Variants in ANO10 observed in about 807,000 individuals in gnomAD.
The protein encoded by ANO10 is anoctamin-10.
Under a neutral mutation model 74.7 loss-of-function variants are expected in ANO10, and 77 were observed. The observed-to-expected ratio is 1.03, with a 90% CI of 0.86 to 1.25. ANO10 has a LOEUF of 1.25. ANO10 is among the 50% of genes most tolerant of loss of function. The pLI is 0.00. For missense variants in ANO10, 721 were observed against 778.1 expected, an observed-to-expected ratio of 0.93 and a Z score of 0.87; for synonymous variants, 279 against 284.9, an observed-to-expected ratio of 0.98 and a Z score of 0.21.
intron 11 of ANO10, among the ~76,000 whole-genome samples, chr3:43,512,268 C>T (rs2077538002): frequency 6.6e-6 from 1 of 152,138 alleles, no homozygotes; most frequent in Admixed American, 6.5e-5. Context: ...AGAAGAAAAG[C>T]AAGGTAACAT....
intron 10 of ANO10, among the ~76,000 whole-genome samples, chr3:43,551,859 A>C (rs1237146315): frequency 6.6e-6 from 1 of 152,152 alleles, no homozygotes; most frequent in African/African-American, 2.4e-5. Context: ...CATATACTTC[A>C]GTCATGTGTT....
chr3:43,660,161 A>T (rs138754067), intron 1 of ANO10, among the ~76,000 whole-genome samples: 3,214 of 152,314 alleles, frequency 0.021, 55 homozygotes, highest in South Asian at 0.092. Flanking sequence ...AGAAAGGCTG[A>T]AAATTCCCAA....
chr3:43,572,734 C>A (rs768972905), intron 7 of ANO10, among the ~76,000 whole-genome samples: 14 of 152,190 alleles, frequency 9.2e-5, no homozygotes, highest in Non-Finnish European at 1.8e-4. Flanking sequence ...AGCCCCCATG[C>A]TGACTACTTC....
At position 43,420,582 on chromosome 3, in the gene ANO10, C is replaced by T. The variant is rs1293788019; in HGVS notation, c.1914+12029G>A. Among the ~76,000 whole-genome samples, 5 of 152,034 alleles carry T rather than the reference C, an allele frequency of 3.3e-5. No individual in the cohort carries two copies. The East Asian group carries it at 7.7e-4, about 23-fold the overall frequency. On this transcript the variant is annotated intron_variant, in intron 12 of 12. Transcript: ENST00000292246. ...GTAAACAAAAAATTTCCTATTTTAGCAGTTTACTAGTAATTAAAAACAAAG... is the reference window on the plus strand; with the variant it reads ...GTAAACAAAAAATTTCCTATTTTAGTAGTTTACTAGTAATTAAAAACAAAG...
chr3:43,552,086 CT>C (rs2149315170), intron 10 of ANO10, among the ~76,000 whole-genome samples: 2 of 152,222 alleles, frequency 1.3e-5, no homozygotes, highest in African/African-American at 4.8e-5. Flanking sequence ...CTGAGTATAT[CT>C]TTTGTGTAAT....
intron 11 of ANO10, among the ~76,000 whole-genome samples, chr3:43,537,082 C>T (rs1036184080): frequency 3.4e-5 from 5 of 148,272 alleles, no homozygotes; most frequent in Non-Finnish European, 7.4e-5. Context: ...AATGTCCAAA[C>T]GTAGACTAGA....
intron 1 of ANO10, among the ~76,000 whole-genome samples, chr3:43,637,159 G>A (rs2083619860): frequency 1.3e-5 from 2 of 151,806 alleles, no homozygotes; most frequent in African/African-American, 4.8e-5. Flanking sequence ...GACAGAGTGA[G>A]ACCCTGTCTC....
intron 11 of ANO10, chr3:43,485,609 T>C: frequency 4.7e-6 from 1 of 211,446 alleles, no homozygotes; most frequent in Admixed American, 5.4e-5. Flanking sequence ...TTGGGAGCTC[T>C]GGGAGCAAGG....
At chr3:43,665,321 C>G (rs999565790) in intron 1 of ANO10, among the ~76,000 whole-genome samples, 1 of 151,920 alleles carries the variant, frequency 6.6e-6, no homozygotes, top group African/African-American at 2.4e-5. Flanking sequence ...GGGAGTTGAA[C>G]AATGAGAACA....
chr3:43,613,171 CAA>C (rs57454559), intron 1 of ANO10, among the ~76,000 whole-genome samples: 3 of 127,466 alleles, frequency 2.4e-5, no homozygotes, highest in South Asian at 2.5e-4. Flanking sequence ...GACTCTGTCT[CAA>C]AAAAAAAAAA....
At chr3:43,387,282 G>A (rs867266262) in intron 12 of ANO10, among the ~76,000 whole-genome samples, 1 of 152,182 alleles carries the variant, frequency 6.6e-6, no homozygotes, top group Middle Eastern at 3.2e-3. Flanking sequence ...TATGTGGTCC[G>A]TCATTGACCA....
chr3:43,547,733 T>TTC (rs926543745), intron 11 of ANO10, among the ~76,000 whole-genome samples: 3 of 152,146 alleles, frequency 2.0e-5, no homozygotes, highest in Admixed American at 6.5e-5. Context: ...CAGAACAGTA[T>TTC]TTATAGGCCA....
intron 1 of ANO10, among the ~76,000 whole-genome samples, chr3:43,675,538 A>C (rs2084111410): frequency 6.6e-6 from 1 of 152,180 alleles, no homozygotes; most frequent in Non-Finnish European, 1.5e-5. Flanking sequence ...AAAACTCAAC[A>C]GTTAGAAAAT....
chr3:43,574,958 G>A, intron 6 of ANO10, 94 bp from the exon 7 acceptor site: 1 of 970,400 alleles, frequency 1.0e-6, no homozygotes, highest in East Asian at 2.4e-5. Context: ...GGGCGGAGAT[G>A]TCCAACATCA....
intron 11 of ANO10, among the ~76,000 whole-genome samples, chr3:43,529,862 G>T (rs2078378568): frequency 1.3e-5 from 2 of 151,806 alleles, no homozygotes; most frequent in African/African-American, 4.8e-5. Context: ...AAAGAAACAT[G>T]GTAAATATAA....
At chr3:43,372,257 C>G (rs543895748) in intron 12 of ANO10, among the ~76,000 whole-genome samples, 1 of 152,178 alleles carries the variant, frequency 6.6e-6, no homozygotes, top group African/African-American at 2.4e-5. Flanking sequence ...CCTGCTCCCC[C>G]GGCCCAGCCC....
At chr3:43,425,549 AT>A (rs1309348016) in intron 12 of ANO10, among the ~76,000 whole-genome samples, 1 of 152,134 alleles carries the variant, frequency 6.6e-6, no homozygotes, top group African/African-American at 2.4e-5. Flanking sequence ...GGAAAGCTGA[AT>A]TCTCAGCCAT....
intron 11 of ANO10, among the ~76,000 whole-genome samples, chr3:43,460,636 G>T (rs1414620831): frequency 2.6e-5 from 4 of 152,130 alleles, no homozygotes; most frequent in African/African-American, 9.7e-5. Flanking sequence ...TTCTCAATAT[G>T]AACAGATAGC....
At chr3:43,469,038 CTT>C (rs371985258) in intron 11 of ANO10, among the ~76,000 whole-genome samples, 57 of 70,360 alleles carry the variant, frequency 8.1e-4, no homozygotes, top group African/African-American at 2.9e-3. Flanking sequence ...CAATTAGCTG[CTT>C]TTTTTTTTTT....
Sources: gnomAD v4.1 joint callset for allele counts (sites outside exome capture counted in the v4.1 genomes callset) on GRCh38, gnomAD v4.1.1 for gene constraint, MANE v1.5 for transcripts, NCBI Gene and HGNC (gene_info 2026-07-23, HGNC 2026-07-21) for gene names.